Variants in CNKSR3 observed in about 807,000 individuals in gnomAD.
CNKSR3 encodes the protein CNKSR family member 3, also known as connector enhancer of kinase suppressor of ras 3.
In CNKSR3, 36 loss-of-function variants were observed where a neutral mutation model predicts 67.7. The ratio of observed to expected loss-of-function variants is 0.53; its 90% CI spans 0.41 to 0.70. The LOEUF is 0.70. Ranked by LOEUF, CNKSR3 falls within the 30% of genes least tolerant of loss-of-function variation. The pLI is 0.00. For missense variants in CNKSR3, 630 were observed against 695.2 expected, an observed-to-expected ratio of 0.91 and a Z score of 1.05; for synonymous variants, 281 against 271.4, an observed-to-expected ratio of 1.04 and a Z score of -0.35.
At chr6:154,480,792 T>C (rs144320518) in intron 1 of CNKSR3, among the ~76,000 whole-genome samples, 45 of 152,362 alleles carry the variant, frequency 3.0e-4, no homozygotes, top group African/African-American at 1.1e-3. Flanking sequence ...ACTGAGCATG[T>C]GCCACCATAT....
intron 1 of CNKSR3, among the ~76,000 whole-genome samples, chr6:154,454,149 G>A (rs557701438): frequency 5.0e-5 from 5 of 99,608 alleles, no homozygotes; most frequent in South Asian, 7.9e-4. Flanking sequence ...AGAGAGATAA[G>A]AGCCCGCAAT....
At chr6:154,412,787 T>C (rs1784936050) in intron 10 of CNKSR3, among the ~76,000 whole-genome samples, 1 of 152,112 alleles carries the variant, frequency 6.6e-6, no homozygotes, top group African/African-American at 2.4e-5. Flanking sequence ...GAAAGTAAAA[T>C]GTCACTGTAA....
rs1293439009 is a variant in CNKSR3, at chr6:154,406,275, G to T, written c.*79C>A. 3 of 1,354,468 alleles carry T rather than the reference G, an allele frequency of 2.2e-6. No individual in the cohort carries two copies. The Admixed American group carries it at 7.0e-5, about 32-fold the overall frequency. The allele number at this position is 1,354,468 out of a possible 1,614,324, so 83.9% of individuals were successfully genotyped here. ...AAGGTCCCTACATAATACTGAGGCTGAAACGAGAAGAGGCTGTCCACTGTA... is the reference window on the plus strand; with the variant it reads ...AAGGTCCCTACATAATACTGAGGCTTAAACGAGAAGAGGCTGTCCACTGTA... On this transcript the variant is annotated 3_prime_UTR_variant, in exon 13 of 13. Transcript: ENST00000607772.
chr6:154,460,136 T>C (rs1445088093), intron 1 of CNKSR3, among the ~76,000 whole-genome samples: 2 of 151,958 alleles, frequency 1.3e-5, no homozygotes, highest in African/African-American at 4.8e-5. Flanking sequence ...AGAACAGAAG[T>C]TGGTATTATC....
chr6:154,454,473 G>A (rs1213027410), intron 1 of CNKSR3, among the ~76,000 whole-genome samples: 1 of 152,084 alleles, frequency 6.6e-6, no homozygotes, highest in African/African-American at 2.4e-5. Context: ...GACTGCTTGA[G>A]GCCAGAAGTT....
chr6:154,504,048 G>C (rs1014601718), intron 1 of CNKSR3, among the ~76,000 whole-genome samples: 2 of 152,210 alleles, frequency 1.3e-5, no homozygotes, highest in Non-Finnish European at 2.9e-5. Flanking sequence ...TCTCTAACAA[G>C]CTCCCAGGTG....
chr6:154,497,012 T>A (rs930706229), intron 1 of CNKSR3, among the ~76,000 whole-genome samples: 1 of 152,060 alleles, frequency 6.6e-6, no homozygotes, highest in African/African-American at 2.4e-5. Context: ...AAGCACCCGA[T>A]ATCAAATAAG....
In CNKSR3 at chr6:154,400,174, A is replaced by G. The variant is rs1447228009; in HGVS notation, c.*6180T>C. The G allele has an allele frequency of 6.6e-6, 1 of 152,194 alleles. No homozygotes were observed. Among genetic ancestry groups the G allele is most frequent in the African/African-American group, 2.4e-5 (1 of 41,446 alleles). The allele number at this position is 152,194 out of a possible 1,614,324, so 9.4% of individuals were successfully genotyped here. On this transcript the variant is annotated 3_prime_UTR_variant, in exon 13 of 13. Transcript: ENST00000607772. ...TTGGTAAAGGAGGCCAGCAAGTAAC[A>G]GGTTGGCTGTGAGCGTGACATGAAT...
At chr6:154,480,751 A>G (rs959737793) in intron 1 of CNKSR3, among the ~76,000 whole-genome samples, 17 of 152,180 alleles carry the variant, frequency 1.1e-4, no homozygotes, top group African/African-American at 3.9e-4. Context: ...CATAAAGCCC[A>G]GTTTCCTTGA....
chr6:154,442,498 T>C (rs1785619319), intron 2 of CNKSR3, among the ~76,000 whole-genome samples: 2 of 152,126 alleles, frequency 1.3e-5, no homozygotes, highest in Admixed American at 1.3e-4. Flanking sequence ...GGCGGGCGCC[T>C]GTAGTCCCAG....
rs1165698065 is a variant in CNKSR3 at position 154,394,489 on chromosome 6, C to G, written c.*11865G>C. The stretch of plus-strand genomic sequence containing the variant: ...CCCTGAGTCACTAGCTAGAGGACAG[C>G]CACAGAGCATTACCCAACCTGGAAC... On this transcript the variant is annotated 3_prime_UTR_variant, in exon 13 of 13. Transcript: ENST00000607772. The G allele has an allele frequency of 6.6e-6, 1 of 152,070 alleles. No homozygotes were observed. Among genetic ancestry groups the G allele is most frequent in the South Asian group, 2.1e-4 (1 of 4,820 alleles). The allele number at this position is 152,070 out of a possible 1,614,324, so 9.4% of individuals were successfully genotyped here.
chr6:154,468,427 CA>C (rs879280162), intron 1 of CNKSR3, among the ~76,000 whole-genome samples: 2,374 of 151,148 alleles, frequency 0.016, 55 homozygotes, highest in Non-Finnish European at 0.019. Flanking sequence ...CACACACACA[CA>C]CACACCATGA....
chr6:154,409,345 A>G (rs754093848), intron 12 of CNKSR3, among the ~76,000 whole-genome samples: 6 of 152,234 alleles, frequency 3.9e-5, no homozygotes, highest in Non-Finnish European at 8.8e-5. Context: ...ATCAAATGCA[A>G]TCTGGCAATA....
intron 7 of CNKSR3, among the ~76,000 whole-genome samples, chr6:154,424,960 T>C (rs1785226198): frequency 6.6e-6 from 1 of 152,180 alleles, no homozygotes; most frequent in Admixed American, 6.5e-5. Flanking sequence ...TTAGCAGAGA[T>C]GGGGTTTCAC....
intron 1 of CNKSR3, among the ~76,000 whole-genome samples, chr6:154,499,064 G>A (rs573881786): frequency 6.6e-6 from 1 of 152,254 alleles, no homozygotes; most frequent in African/African-American, 2.4e-5. Context: ...CACTCACAGG[G>A]ACAGGACGGA....
rs924353084 is a variant in CNKSR3 at position 154,398,579 on chromosome 6, A to G, written c.*7775T>C. 3 of 152,172 alleles carry G rather than the reference A, an allele frequency of 2.0e-5. No homozygotes were observed. The highest frequency in any genetic ancestry group is 7.2e-5 in the African/African-American group (3 of 41,440). The allele number at this position is 152,172 out of a possible 1,614,324, so 9.4% of individuals were successfully genotyped here. On this transcript the variant is annotated 3_prime_UTR_variant, in exon 13 of 13. Transcript: ENST00000607772. The stretch of plus-strand genomic sequence containing the variant: ...ATGTCCAAAATAGATACCATTCTAC[A>G]TTATTCCTTTATTTAAAACCACAGG...
At chr6:154,409,684 C>T (rs1182514783) in intron 12 of CNKSR3, among the ~76,000 whole-genome samples, 2 of 152,032 alleles carry the variant, frequency 1.3e-5, no homozygotes, top group Admixed American at 6.6e-5. Flanking sequence ...AAGACCCCAT[C>T]TCAATTTTTA....
At chr6:154,423,544 C>T (rs1785191298) in intron 7 of CNKSR3, among the ~76,000 whole-genome samples, 1 of 152,132 alleles carries the variant, frequency 6.6e-6, no homozygotes, top group South Asian at 2.1e-4. Flanking sequence ...AGGCATGAGC[C>T]ACCGCGCCCA....
chr6:154,505,896 C>T (rs535150707), intron 1 of CNKSR3, among the ~76,000 whole-genome samples: 7 of 152,134 alleles, frequency 4.6e-5, no homozygotes, highest in African/African-American at 7.2e-5. Context: ...TCTTCCTCGT[C>T]GAAGGCACTC....
Sources: gnomAD v4.1 joint callset for allele counts (sites outside exome capture counted in the v4.1 genomes callset) on GRCh38, gnomAD v4.1.1 for gene constraint, MANE v1.5 for transcripts, NCBI Gene and HGNC (gene_info 2026-07-23, HGNC 2026-07-21) for gene names.